Variants in UNC13C observed in about 807,000 individuals in gnomAD.
UNC13C encodes protein unc-13 homolog C.
UNC13C carries 174 observed loss-of-function variants against 245.4 expected under a neutral mutation model. The observed-to-expected ratio is 0.71, with a 90% confidence interval of 0.63 to 0.80. The LOEUF (loss-of-function observed/expected upper bound fraction) is 0.80. UNC13C is among the 30% of genes least tolerant of loss of function. The pLI is 0.00. For missense variants in UNC13C, 2,829 were observed against 2,602.9 expected (o/e 1.09, Z -1.89); for synonymous variants, 992 against 895.1 (o/e 1.11, Z -1.93).
At position 54,459,701 on chromosome 15, in the gene UNC13C, G is replaced by A. The variant is rs192012923; in HGVS notation, c.4934-34907G>A. ...AGTTCTATTGTTGAAACTTTCCAGT[G>A]TATTTTGCATTTCCCTAAGTGTGTC... On this transcript the variant is annotated intron_variant, in intron 19 of 32. Transcript: ENST00000260323. Among the ~76,000 whole-genome samples, 27 of 151,920 alleles carry A rather than the reference G, an allele frequency of 1.8e-4. 1 individual carries two copies. The highest frequency in any genetic ancestry group is 1.0e-3 in the Admixed American group (16 of 15,278).
intron 2 of UNC13C, among the ~76,000 whole-genome samples, chr15:54,108,357 T>A (rs1243422725): frequency 1.3e-5 from 2 of 152,072 alleles, no homozygotes; most frequent in East Asian, 3.9e-4. Flanking sequence ...TGGCTAATTT[T>A]TTTGTATTTT....
intron 17 of UNC13C, among the ~76,000 whole-genome samples, chr15:54,358,792 G>A (rs943477930): frequency 2.6e-5 from 4 of 151,898 alleles, no homozygotes; most frequent in Non-Finnish European, 1.5e-5. Flanking sequence ...TATCCAATTT[G>A]GATGCCCTTT....
chr15:54,186,606 TATAAC>T (rs2033991972), intron 4 of UNC13C, among the ~76,000 whole-genome samples: 1 of 152,102 alleles, frequency 6.6e-6, no homozygotes, highest in Middle Eastern at 3.4e-3. Flanking sequence ...ATTTTAATAT[TATAAC>T]AGAAAAAAAT....
At chr15:54,461,951 C>T (rs920491634) in intron 19 of UNC13C, among the ~76,000 whole-genome samples, 3 of 152,132 alleles carry the variant, frequency 2.0e-5, no homozygotes, top group African/African-American at 7.2e-5. Context: ...AGATCACTGT[C>T]AGTACTGGTC....
downstream of UNC13C, chr15:54,630,583 A>G (rs888612135): frequency 2.0e-5 from 3 of 152,148 alleles, no homozygotes; most frequent in Non-Finnish European, 2.9e-5. Flanking sequence ...CTACTTAGAA[A>G]AATTCTTGGG....
rs1236366538 is a variant in UNC13C at position 54,511,787 on chromosome 15, G to A, written c.5414G>A (p.Arg1805Gln). Reference protein sequence around the residue: ...CILMNNIQQLRVQLEKMFESM... With the variant: ...CILMNNIQQLQVQLEKMFESM... ...TTGATGAACAATATTCAACAATTGC[G>A]GGTCCAGCTGGAAAAAATGTTTGAA... Residue 1805 changes from arginine (R) to glutamine (Q), a missense_variant, in exon 24 of 33, where the codon CGG (arginine) becomes CAG (glutamine). Transcript: ENST00000260323. The A allele has an allele frequency of 3.1e-6, 5 of 1,609,308 alleles. No homozygotes were observed. Among genetic ancestry groups the A allele is most frequent in the African/African-American group, 1.3e-5 (1 of 74,674 alleles).
chr15:54,365,987 C>T (rs184530772), intron 17 of UNC13C, among the ~76,000 whole-genome samples: 260 of 152,236 alleles, frequency 1.7e-3, no homozygotes, highest in Non-Finnish European at 2.9e-3. Flanking sequence ...ACCTTTGCAG[C>T]ACATTCGGAA....
intron 2 of UNC13C, among the ~76,000 whole-genome samples, chr15:54,028,523 A>G (rs1050860817): frequency 6.6e-6 from 1 of 152,112 alleles, no homozygotes; most frequent in Non-Finnish European, 1.5e-5. Context: ...GCGAGCCCAT[A>G]GCGCTGAAAA....
At chr15:54,279,321 T>A (rs1193274347) in intron 10 of UNC13C, among the ~76,000 whole-genome samples, 1 of 152,234 alleles carries the variant, frequency 6.6e-6, no homozygotes, top group East Asian at 1.9e-4. Context: ...TAGACTTAAG[T>A]GGAAAAGTTA....
chr15:53,890,799 C>G, the UNC13C span, among the ~76,000 whole-genome samples: 2 of 151,476 alleles, frequency 1.3e-5, no homozygotes, highest in African/African-American at 4.8e-5. Context: ...ATTTTTTGAC[C>G]TTTTAAAAAA....
chr15:54,568,178 G>A (rs1389485941), intron 30 of UNC13C, among the ~76,000 whole-genome samples: 2 of 151,894 alleles, frequency 1.3e-5, no homozygotes, highest in Non-Finnish European at 2.9e-5. Flanking sequence ...AAGCTCTATG[G>A]AATGGCTGAC....
intron 30 of UNC13C, among the ~76,000 whole-genome samples, chr15:54,603,926 T>C (rs1899604863): frequency 6.6e-6 from 1 of 152,180 alleles, no homozygotes; most frequent in South Asian, 2.1e-4. Context: ...TTTCTTTTTT[T>C]TTCCTCCTAC....
chr15:54,478,561 A>G (rs377568054), intron 19 of UNC13C, among the ~76,000 whole-genome samples: 4 of 151,568 alleles, frequency 2.6e-5, no homozygotes, highest in Non-Finnish European at 4.4e-5. Context: ...CCTTCATTTC[A>G]TTATGTACCC....
intron 10 of UNC13C, among the ~76,000 whole-genome samples, chr15:54,293,493 C>T (rs1027532825): frequency 5.9e-5 from 9 of 151,908 alleles, no homozygotes; most frequent in African/African-American, 2.2e-4. Flanking sequence ...CTGTGAAGTC[C>T]ACATTCTCAA....
At chr15:54,217,753 C>T (rs771655621) in intron 4 of UNC13C, among the ~76,000 whole-genome samples, 28 of 151,488 alleles carry the variant, frequency 1.8e-4, no homozygotes, top group Non-Finnish European at 3.5e-4. Context: ...ATAAAAAATA[C>T]TTACTGGCCT....
At chr15:54,135,649 A>G (rs532744519) in intron 2 of UNC13C, among the ~76,000 whole-genome samples, 2 of 152,196 alleles carry the variant, frequency 1.3e-5, no homozygotes, top group Admixed American at 1.3e-4. Context: ...CTTCTGTTCC[A>G]TCAGTCTATG....
chr15:54,189,231 A>G (rs11637801), intron 4 of UNC13C, among the ~76,000 whole-genome samples: 75,189 of 152,012 alleles, frequency 0.49, 18,880 homozygotes, highest in East Asian at 0.56. Context: ...AAAGTGGTTC[A>G]TAAAATTCTG....
intron 19 of UNC13C, among the ~76,000 whole-genome samples, chr15:54,438,211 C>G (rs932264849): frequency 2.6e-5 from 4 of 151,924 alleles, no homozygotes; most frequent in Non-Finnish European, 5.9e-5. Flanking sequence ...CATAGAACTT[C>G]TAAACTGCAT....
intron 19 of UNC13C, among the ~76,000 whole-genome samples, chr15:54,449,474 C>T (rs972683450): frequency 1.3e-5 from 2 of 152,116 alleles, no homozygotes; most frequent in Non-Finnish European, 2.9e-5. Flanking sequence ...TTGTTTGTTT[C>T]GTTTTCTTCT....
Sources: allele counts gnomAD v4.1 joint callset (sites outside exome capture counted in the v4.1 genomes callset), GRCh38; gene constraint gnomAD v4.1.1; transcripts MANE v1.5; gene names NCBI Gene and HGNC (gene_info 2026-07-23, HGNC 2026-07-21).